The following DCC variants were observed in gnomAD, a reference collection of about 807,000 sequenced individuals.
DCC encodes the protein netrin receptor DCC.
In DCC, 58 loss-of-function variants were observed where a neutral mutation model predicts 172.5. The observed-to-expected ratio is 0.34, with a 90% CI of 0.27 to 0.42. The LOEUF (loss-of-function observed/expected upper bound fraction) is 0.42. DCC is among the 10% of genes least tolerant of loss of function. DCC has a pLI of 1.00. For missense variants in DCC, 1,740 were observed against 1,791.0 expected (o/e 0.97, Z 0.51); for synonymous variants, 709 against 644.5 (o/e 1.10, Z -1.52).
chr18:53,479,128 T>G (rs1414870361), intron 25 of DCC, among the ~76,000 whole-genome samples: 1 of 152,186 alleles, frequency 6.6e-6, no homozygotes, highest in East Asian at 1.9e-4. Flanking sequence ...CATTTTCAAC[T>G]ATTCAGAACT....
intron 9 of DCC, among the ~76,000 whole-genome samples, chr18:53,203,929 A>G (rs895895989): frequency 6.6e-6 from 1 of 152,174 alleles, no homozygotes; most frequent in Non-Finnish European, 1.5e-5. Context: ...ATTATGAAAA[A>G]ATACAAAATT....
intron 1 of DCC, among the ~76,000 whole-genome samples, chr18:52,531,742 T>A (rs1324157582): frequency 6.6e-6 from 1 of 152,178 alleles, no homozygotes; most frequent in Non-Finnish European, 1.5e-5. Flanking sequence ...ACATCCATAT[T>A]CCTACCTCCC....
At chr18:53,203,277 G>GTA (rs1404966142) in intron 9 of DCC, among the ~76,000 whole-genome samples, 2 of 150,606 alleles carry the variant, frequency 1.3e-5, no homozygotes, top group East Asian at 2.0e-4. Flanking sequence ...GAATATTTTG[G>GTA]TATATATATT....
At chr18:52,689,402 A>G (rs1302063358) in intron 1 of DCC, among the ~76,000 whole-genome samples, 2 of 152,170 alleles carry the variant, frequency 1.3e-5, no homozygotes, top group Non-Finnish European at 2.9e-5. Flanking sequence ...TGAAAAATTC[A>G]TAAGAAATAA....
intron 2 of DCC, among the ~76,000 whole-genome samples, chr18:52,785,496 A>T (rs1244289951): frequency 1.3e-5 from 2 of 152,018 alleles, no homozygotes; most frequent in East Asian, 1.9e-4. Flanking sequence ...GTTGGATGAC[A>T]ACTTTTTCTG....
chr18:52,527,624 T>C (rs1158505000), intron 1 of DCC, among the ~76,000 whole-genome samples: 1 of 152,208 alleles, frequency 6.6e-6, no homozygotes, highest in Admixed American at 6.5e-5. Context: ...TATGTATATG[T>C]TGGAATGAGA....
intron 1 of DCC, among the ~76,000 whole-genome samples, chr18:52,379,148 C>T (rs1196909923): frequency 6.6e-6 from 1 of 152,152 alleles, no homozygotes; most frequent in Non-Finnish European, 1.5e-5. Context: ...GTTTCTTATT[C>T]ACAGACTCAT....
intron 5 of DCC, among the ~76,000 whole-genome samples, chr18:52,984,846 AC>A (rs1235955136): frequency 2.6e-5 from 4 of 152,096 alleles, no homozygotes; most frequent in African/African-American, 9.7e-5. Context: ...TAGATTATCT[AC>A]TTTTAGCCAC....
At chr18:52,560,844 C>T (rs1357885941) in intron 1 of DCC, among the ~76,000 whole-genome samples, 2 of 152,056 alleles carry the variant, frequency 1.3e-5, no homozygotes, top group African/African-American at 2.4e-5. Flanking sequence ...AAAGTATTTG[C>T]TTATTTTCTT....
At chr18:53,017,079 TC>T (rs1425722335) in intron 5 of DCC, among the ~76,000 whole-genome samples, 1 of 149,128 alleles carries the variant, frequency 6.7e-6, no homozygotes, top group Non-Finnish European at 1.5e-5. Flanking sequence ...CTTTTTCTTT[TC>T]TTTTTTTTTT....
At chr18:53,126,971 G>A (rs1009711460) in intron 7 of DCC, among the ~76,000 whole-genome samples, 1 of 152,068 alleles carries the variant, frequency 6.6e-6, no homozygotes, top group Non-Finnish European at 1.5e-5. Flanking sequence ...ACACAAGAGA[G>A]AAAGATAAGT....
Position 52,689,745 on chromosome 18 carries a change from A to G in DCC, c.92-62309A>G, listed in dbSNP as rs142282301. Among the ~76,000 whole-genome samples the G allele has an allele frequency of 5.5e-3, 842 of 152,278 alleles. 10 individuals carry two copies. The highest frequency in any genetic ancestry group is 0.019 in the African/African-American group (793 of 41,564). ...CATAGTTGTTAATATTACTGGTCTC[A>G]TGTTGCTGAAAAGACTCTTAATTTG... On this transcript the variant is annotated intron_variant, in intron 1 of 28. Transcript: ENST00000442544.
At chr18:53,493,810 T>C (rs2045987170) in intron 26 of DCC, among the ~76,000 whole-genome samples, 1 of 151,948 alleles carries the variant, frequency 6.6e-6, no homozygotes, top group African/African-American at 2.4e-5. Flanking sequence ...GCTAGCTTTT[T>C]CCTGTCTCTA....
chr18:52,640,536 A>T (rs556006283), intron 1 of DCC, among the ~76,000 whole-genome samples: 30 of 152,284 alleles, frequency 2.0e-4, no homozygotes, highest in African/African-American at 6.5e-4. Flanking sequence ...ATTAATGTAC[A>T]CAAATTAGTA....
At chr18:53,303,578 C>T (rs2057165229) in intron 12 of DCC, among the ~76,000 whole-genome samples, 1 of 152,150 alleles carries the variant, frequency 6.6e-6, no homozygotes, top group Admixed American at 6.5e-5. Context: ...ATTACTTGAC[C>T]CCCCTTGCAG....
At chr18:53,203,234 T>TGTGC (rs1476564603) in intron 9 of DCC, among the ~76,000 whole-genome samples, 175 of 145,940 alleles carry the variant, frequency 1.2e-3, no homozygotes, top group African/African-American at 3.6e-3. Flanking sequence ...TGTGTGTGTG[T>TGTGC]GCGTGTGTGT....
chr18:52,675,897 T>C (rs1478275570), intron 1 of DCC, among the ~76,000 whole-genome samples: 1 of 152,248 alleles, frequency 6.6e-6, no homozygotes, highest in Non-Finnish European at 1.5e-5. Flanking sequence ...TAGGATTCAT[T>C]GGCCTGCCTC....
chr18:53,008,004 G>A (rs1265292931), intron 5 of DCC, among the ~76,000 whole-genome samples: 1 of 152,104 alleles, frequency 6.6e-6, no homozygotes, highest in Non-Finnish European at 1.5e-5. Context: ...AATATGCTAT[G>A]TAAGGATGAG....
chr18:52,825,545 C>A (rs991144064), intron 2 of DCC, among the ~76,000 whole-genome samples: 1 of 151,936 alleles, frequency 6.6e-6, no homozygotes, highest in Admixed American at 6.6e-5. Context: ...TGGAAATTAC[C>A]TATTTTTTGT....
Sources: allele counts gnomAD v4.1 joint callset (sites outside exome capture counted in the v4.1 genomes callset), GRCh38; gene constraint gnomAD v4.1.1; transcripts MANE v1.5; gene names NCBI Gene and HGNC (gene_info 2026-07-23, HGNC 2026-07-21).